Variants in TBC1D32 observed in about 807,000 individuals in gnomAD.
TBC1D32 encodes the protein TBC1 domain family member 32, also known as protein broad-minded.
TBC1D32 carries 151 observed loss-of-function variants against 170.3 expected under a neutral mutation model. The observed-to-expected ratio is 0.89, with a 90% CI of 0.78 to 1.01. TBC1D32 has a LOEUF of 1.01. Among genes scored for constraint, TBC1D32 ranks in the 50% least tolerant of loss-of-function variants. TBC1D32 has a pLI of 0.00. For synonymous variants in TBC1D32, 498 were observed against 488.0 expected, an observed-to-expected ratio of 1.02 and a Z score of -0.27; for missense variants, 1,464 against 1,457.1, an observed-to-expected ratio of 1.00 and a Z score of -0.08.
chr6:121,124,322 A>G (rs1562560624), intron 26 of TBC1D32, among the ~76,000 whole-genome samples: 1 of 151,696 alleles, frequency 6.6e-6, no homozygotes, highest in African/African-American at 2.4e-5. Context: ...ACATGTTTTT[A>G]TTTTTTACTT....
intron 17 of TBC1D32, among the ~76,000 whole-genome samples, chr6:121,245,538 A>C (rs78588501): frequency 6.6e-6 from 1 of 152,166 alleles, no homozygotes; most frequent in African/African-American, 2.4e-5. Context: ...CACAGTAAGG[A>C]AAGTCTACCT....
chr6:121,132,426 A>G (rs1301755315), intron 24 of TBC1D32, among the ~76,000 whole-genome samples: 1 of 152,006 alleles, frequency 6.6e-6, no homozygotes. Flanking sequence ...ACCAGAGAAT[A>G]CTTTGCAAAC....
intron 20 of TBC1D32, among the ~76,000 whole-genome samples, chr6:121,231,461 A>G (rs117970618): frequency 0.024 from 3,663 of 152,262 alleles, 162 homozygotes; most frequent in East Asian, 0.12. Flanking sequence ...AGAATCAAAT[A>G]GTAGATCTAC....
intron 1 of TBC1D32, among the ~76,000 whole-genome samples, chr6:121,333,792 C>T (rs1273361849): frequency 1.3e-5 from 2 of 152,142 alleles, no homozygotes; most frequent in Admixed American, 1.3e-4. Context: ...GGCGGCCGGG[C>T]GCGGTGGCTC....
chr6:121,254,687 A>T (rs550678692), intron 17 of TBC1D32, among the ~76,000 whole-genome samples: 1 of 152,234 alleles, frequency 6.6e-6, no homozygotes, highest in Admixed American at 6.5e-5. Context: ...CATCTCTTTA[A>T]CAAAGAATAG....
chr6:121,270,064 C>A (rs377374885), intron 15 of TBC1D32, among the ~76,000 whole-genome samples: 2 of 151,862 alleles, frequency 1.3e-5, no homozygotes, highest in South Asian at 2.1e-4. Flanking sequence ...TTGAAACCAA[C>A]GAGAACAAAG....
rs565709951 is a variant in TBC1D32, at chr6:121,159,704, C to T, written c.2773+306G>A. On this transcript the variant is annotated intron_variant, in intron 24 of 31. Transcript: ENST00000398212. ...TACTGAATACTGTAGGCAATTATAG[C>T]ACAATGGTATTGTGCATCTAAACAT... is the stretch of plus-strand genomic sequence containing the variant. Among the ~76,000 whole-genome samples, 130 of 152,182 alleles carry T rather than the reference C, an allele frequency of 8.5e-4. 1 individual carries two copies. In the South Asian group the frequency reaches 0.026, roughly 30 times the overall value.
chr6:121,325,292 C>T (rs907701396), intron 1 of TBC1D32, among the ~76,000 whole-genome samples: 16 of 150,996 alleles, frequency 1.1e-4, no homozygotes, highest in African/African-American at 3.9e-4. Flanking sequence ...AGAATCAGAA[C>T]ATCTGATATT....
chr6:121,255,478 T>TATATTTATAATTATATTTTATA (rs1798849398), intron 16 of TBC1D32, 68 bp from the exon 17 acceptor site: 1 of 341,548 alleles, frequency 2.9e-6, no homozygotes, highest in Non-Finnish European at 4.9e-6. Context: ...ATTTTATAAT[T>TATATTTATAATTATATTTTATA]ATATTTATAA....
At chr6:121,313,381 T>G (rs1808519639) in intron 3 of TBC1D32, among the ~76,000 whole-genome samples, 1 of 151,394 alleles carries the variant, frequency 6.6e-6, no homozygotes, top group Admixed American at 6.6e-5. Flanking sequence ...CCACCCGAGT[T>G]CAAGTGATTC....
intron 22 of TBC1D32, among the ~76,000 whole-genome samples, chr6:121,185,659 T>C (rs1003819279): frequency 1.3e-5 from 2 of 152,194 alleles, no homozygotes; most frequent in Middle Eastern, 3.4e-3. Flanking sequence ...ACATTAAAAA[T>C]GCCTTCTTAC....
chr6:121,171,487 G>T (rs910005704), intron 22 of TBC1D32, among the ~76,000 whole-genome samples: 6 of 151,948 alleles, frequency 3.9e-5, no homozygotes, highest in Non-Finnish European at 8.8e-5. Flanking sequence ...GCACAGTAAT[G>T]AAGGTTTTTT....
At chr6:121,155,632 T>C (rs1430069554) in intron 24 of TBC1D32, among the ~76,000 whole-genome samples, 1 of 152,150 alleles carries the variant, frequency 6.6e-6, no homozygotes, top group East Asian at 1.9e-4. Context: ...GCTGTGATGT[T>C]AGCTGTGGAT....
chr6:121,256,055 G>A, intron 16 of TBC1D32, 29 bp downstream of exon 16: 1 of 1,574,090 alleles, frequency 6.4e-7, no homozygotes, highest in Non-Finnish European at 8.6e-7. Flanking sequence ...GATTTGCAGG[G>A]AGAAAAAACG....
intron 12 of TBC1D32, among the ~76,000 whole-genome samples, chr6:121,288,629 G>A (rs2128458218): frequency 6.6e-6 from 1 of 152,256 alleles, no homozygotes; most frequent in Admixed American, 6.5e-5. Context: ...TAGAAAAAGA[G>A]GGAATCCTCT....
At chr6:121,086,145 GTTTT>G (rs1270016006) in intron 31 of TBC1D32, among the ~76,000 whole-genome samples, 1 of 151,970 alleles carries the variant, frequency 6.6e-6, no homozygotes. Context: ...TAACCGCTAA[GTTTT>G]TTTAAGTACT....
chr6:121,278,348 A>T (rs1316331012), intron 15 of TBC1D32, among the ~76,000 whole-genome samples: 1 of 152,140 alleles, frequency 6.6e-6, no homozygotes, highest in African/African-American at 2.4e-5. Flanking sequence ...TCCTCAATAA[A>T]TATTAGCAAA....
At chr6:121,243,680 G>T (rs1469069144) in intron 17 of TBC1D32, among the ~76,000 whole-genome samples, 1 of 149,826 alleles carries the variant, frequency 6.7e-6, no homozygotes, top group Non-Finnish European at 1.5e-5. Context: ...CCCTGTAATG[G>T]GTCACAAAGT....
chr6:121,240,958 G>A lies in TBC1D32; in HGVS notation c.2245+507C>T, dbSNP rs539630474. ...AAATCAAATGGACAGGGAAGAATATGTACTTAACTGTCAACTTCAAAGATA... is the reference window on the plus strand; with the variant it reads ...AAATCAAATGGACAGGGAAGAATATATACTTAACTGTCAACTTCAAAGATA... On this transcript the variant is annotated intron_variant, in intron 19 of 31. Transcript: ENST00000398212. 2.0e-5 allele frequency among the ~76,000 whole-genome samples: 3 copies of A among 146,962 alleles called. 1 individual carries two copies. The highest frequency in any genetic ancestry group is 4.5e-4 in the South Asian group (2 of 4,434).
Sources: gnomAD v4.1 joint callset for allele counts (sites outside exome capture counted in the v4.1 genomes callset) on GRCh38, gnomAD v4.1.1 for gene constraint, MANE v1.5 for transcripts, NCBI Gene and HGNC (gene_info 2026-07-23, HGNC 2026-07-21) for gene names.